The following PLA2G5 variants were observed in gnomAD, a reference collection of about 807,000 sequenced individuals.
PLA2G5 encodes phospholipase A2 group V.
PLA2G5 carries 12 observed loss-of-function variants against 15.9 expected under a neutral mutation model. That is an observed-to-expected ratio of 0.76 (90% CI 0.48 to 1.23). The LOEUF (loss-of-function observed/expected upper bound fraction) is 1.23. Ranked by LOEUF, PLA2G5 falls within the 50% of genes most tolerant of loss-of-function variation. The pLI is 0.00. For synonymous variants in PLA2G5, 71 were observed against 71.4 expected (o/e 0.99, Z 0.03); for missense variants, 169 against 177.1 (o/e 0.95, Z 0.26).
intron 1 of PLA2G5, among the ~76,000 whole-genome samples, chr1:20,030,819 CT>C (rs2100259739): frequency 6.6e-6 from 1 of 152,210 alleles, no homozygotes; most frequent in East Asian, 1.9e-4. Flanking sequence ...AAAGGACATC[CT>C]GCACAGCCCT....
At chr1:20,041,198 G>T (rs1026546892) in intron 1 of PLA2G5, among the ~76,000 whole-genome samples, 2 of 152,164 alleles carry the variant, frequency 1.3e-5, no homozygotes, top group Non-Finnish European at 2.9e-5. Context: ...ATCTCCTATA[G>T]GTGCTTGGTA....
At chr1:20,089,318 C>G (rs1268847549) in intron 3 of PLA2G5, among the ~76,000 whole-genome samples, 1 of 152,208 alleles carries the variant, frequency 6.6e-6, no homozygotes, top group South Asian at 2.1e-4. Flanking sequence ...ATTTCTGGAT[C>G]ACATAACAGT....
chr1:20,048,864 A>G (rs2014045591), intron 1 of PLA2G5, among the ~76,000 whole-genome samples: 1 of 152,212 alleles, frequency 6.6e-6, no homozygotes, highest in Admixed American at 6.5e-5. Context: ...AAATGTCACA[A>G]TTTAGAATCT....
chr1:20,072,913 G>C (rs1185320556), intron 1 of PLA2G5, among the ~76,000 whole-genome samples: 2 of 152,212 alleles, frequency 1.3e-5, no homozygotes, highest in South Asian at 4.1e-4. Flanking sequence ...TGCTTGCACG[G>C]GTGGATTTCA....
In PLA2G5 at chr1:20,091,603, T is replaced by C. The variant is rs11573294; in HGVS notation, c.*911T>C. Among the ~76,000 whole-genome samples the C allele has an allele frequency of 0.015, 2,271 of 152,144 alleles. 26 individuals carry two copies. Among genetic ancestry groups the C allele is most frequent in the Non-Finnish European group, 0.025 (1,712 of 68,000 alleles). ...GATGCTGATATGGAGAATGCTGAGG[T>C]TCTAGGATTTCACACAGCAGGAATT... is the stretch of plus-strand genomic sequence containing the variant. On this transcript the variant is annotated 3_prime_UTR_variant, in exon 5 of 5. Coordinates refer to ENST00000375108, the MANE Select transcript of PLA2G5 (RefSeq NM_000929.3).
chr1:20,070,458 C>G lies in PLA2G5; in HGVS notation c.-18C>G, dbSNP rs11573193. The G allele has an allele frequency of 4.1e-6, 4 of 985,014 alleles. No homozygotes were observed. In the Admixed American group the frequency reaches 2.5e-4, roughly 61 times the overall value. The allele number at this position is 985,014 out of a possible 1,614,324, so 61.0% of individuals were successfully genotyped here. A position where few individuals can be genotyped will look rare whatever the true frequency, so the allele number is the denominator to read the frequency against. The stretch of plus-strand genomic sequence containing the variant: ...CTCTAGAGCAGGATTTGAGGCCAGG[C>G]CAAAGAGGTTAGTTACTGATGGGGG... On this transcript the variant is annotated 5_prime_UTR_variant, in exon 1 of 5. Transcript: ENST00000375108.
chr1:20,073,931 G>T (rs2015525183), intron 1 of PLA2G5, among the ~76,000 whole-genome samples: 1 of 152,008 alleles, frequency 6.6e-6, no homozygotes. Flanking sequence ...CAAAGAACAA[G>T]ATGAACATGT....
intron 3 of PLA2G5, 63 bp from the exon 4 acceptor site, chr1:20,089,726 T>C (rs1173589374): frequency 4.4e-6 from 6 of 1,348,582 alleles, no homozygotes; most frequent in Non-Finnish European, 6.4e-6. Flanking sequence ...TTTTTGCTCC[T>C]ATTAGGGATG....
At chr1:20,049,290 C>T (rs1293925665) in intron 1 of PLA2G5, among the ~76,000 whole-genome samples, 8 of 152,066 alleles carry the variant, frequency 5.3e-5, no homozygotes, top group East Asian at 1.9e-4. Context: ...AGCTTTTACA[C>T]GATCAAGTTG....
rs775039934 is a variant in PLA2G5 at position 20,043,010 on chromosome 1, G to A, written n.276+14301G>A. 7.0e-4 allele frequency among the ~76,000 whole-genome samples: 106 copies of A among 152,254 alleles called. 1 individual carries two copies. Among genetic ancestry groups the A allele is most frequent in the Non-Finnish European group, 1.6e-4 (11 of 68,024 alleles). ...CGGACGGAAAGAAAGTAAATCATGAGAAAGGGCTTGACTGAAGTAATGGGG... is the reference window on the plus strand; with the variant it reads ...CGGACGGAAAGAAAGTAAATCATGAAAAAGGGCTTGACTGAAGTAATGGGG... On this transcript the variant is annotated intron_variant and non_coding_transcript_variant, in intron 1 of 6. Transcript: ENST00000460175.
At chr1:20,070,101 G>A (rs963466541), upstream of PLA2G5, 9 of 620,354 alleles carry the variant, frequency 1.5e-5, no homozygotes, top group Non-Finnish European at 1.8e-5. Context: ...AAATCCACCC[G>A]CATTGGAATT....
upstream of PLA2G5, chr1:20,070,184 C>G: frequency 5.1e-6 from 5 of 985,398 alleles, no homozygotes; most frequent in Non-Finnish European, 6.0e-6. Context: ...CTTCCTGCCT[C>G]TGCAAAGGCA....
intron 1 of PLA2G5, among the ~76,000 whole-genome samples, chr1:20,072,260 T>G (rs991651343): frequency 3.9e-5 from 6 of 152,230 alleles, no homozygotes; most frequent in Non-Finnish European, 7.3e-5. Flanking sequence ...CTTATTCGCT[T>G]GTCTATTTCT....
chr1:20,070,916 G>C (rs1541214), intron 1 of PLA2G5: 11,093 of 152,132 alleles, frequency 0.073, 477 homozygotes, highest in Admixed American at 0.13. Flanking sequence ...CAGACACTTC[G>C]GTACACACAG....
Position 20,034,375 on chromosome 1 carries a change from C to T in PLA2G5, n.276+5666C>T, listed in dbSNP as rs912193692. Among the ~76,000 whole-genome samples, 6 of 152,150 alleles carry T rather than the reference C, an allele frequency of 3.9e-5. No individual in the cohort carries two copies. In the East Asian group the frequency reaches 1.2e-3, roughly 29 times the overall value. The stretch of plus-strand genomic sequence containing the variant: ...AGATCCAAGGGAATAGTAAAAAAGG[C>T]ATTCTTTGGATCCAATACAGAAAAG... On this transcript the variant is annotated intron_variant and non_coding_transcript_variant, in intron 1 of 6. Coordinates refer to the PLA2G5 transcript ENST00000460175.
chr1:20,054,398 C>T (rs1195518509), intron 1 of PLA2G5, among the ~76,000 whole-genome samples: 2 of 152,102 alleles, frequency 1.3e-5, no homozygotes, highest in East Asian at 3.9e-4. Context: ...TCCTGAAATT[C>T]TTTTGCATAA....
intron 4 of PLA2G5, 112 bp from the exon 5 acceptor site, chr1:20,090,456 A>C: frequency 9.5e-7 from 1 of 1,055,518 alleles, no homozygotes; most frequent in Non-Finnish European, 1.5e-6. Flanking sequence ...TTTAGGAGCC[A>C]TGCCTCTTCC....
intron 1 of PLA2G5, among the ~76,000 whole-genome samples, chr1:20,032,631 TA>T (rs143021706): frequency 0.014 from 2,152 of 152,196 alleles, 45 homozygotes; most frequent in African/African-American, 0.049. Context: ...AGAGTTGGCA[TA>T]GGGGGCGGTA....
chr1:20,084,114 T>C (rs1327327367), intron 1 of PLA2G5, among the ~76,000 whole-genome samples: 1 of 150,068 alleles, frequency 6.7e-6, no homozygotes, highest in African/African-American at 2.5e-5. Flanking sequence ...GAAAGATGCC[T>C]ACAAAGGCAA....
Sources: gnomAD v4.1 joint callset for allele counts (sites outside exome capture counted in the v4.1 genomes callset) on GRCh38, gnomAD v4.1.1 for gene constraint, MANE v1.5 for transcripts, NCBI Gene and HGNC (gene_info 2026-07-23, HGNC 2026-07-21) for gene names.